CERS6: variants seen among roughly 807,000 people sequenced by gnomAD.
The protein encoded by CERS6 is ceramide synthase 6.
A neutral mutation model predicts 56.8 loss-of-function variants in CERS6; 26 were observed. That is an observed-to-expected ratio of 0.46 (90% confidence interval 0.34 to 0.63). The LOEUF (loss-of-function observed/expected upper bound fraction) is 0.63, where lower values mean the gene tolerates loss of function less well. Ranked by LOEUF, CERS6 falls within the 30% of genes least tolerant of loss-of-function variation. The probability of loss-of-function intolerance (pLI) is 0.01; values close to 1 mark genes in which losing one functional copy is unlikely to be tolerated. For synonymous variants in CERS6, 164 were observed against 173.3 expected, an observed-to-expected ratio of 0.95 and a Z score of 0.42; for missense variants, 415 against 467.5, an observed-to-expected ratio of 0.89 and a Z score of 1.04.
chr2:168,706,971 T>A (rs1427442404), intron 6 of CERS6, among the ~76,000 whole-genome samples: 1 of 152,244 alleles, frequency 6.6e-6, no homozygotes, highest in Non-Finnish European at 1.5e-5. Flanking sequence ...TGGGCGTGGC[T>A]GTATTCCAAT....
At chr2:168,729,344 G>A (rs761954897) in intron 8 of CERS6, among the ~76,000 whole-genome samples, 2 of 152,174 alleles carry the variant, frequency 1.3e-5, no homozygotes, top group African/African-American at 4.8e-5. Context: ...AAGAACCGTC[G>A]TCAACTATGT....
chr2:168,742,563 C>T (rs1282239019), intron 8 of CERS6, among the ~76,000 whole-genome samples: 3 of 152,048 alleles, frequency 2.0e-5, no homozygotes, highest in South Asian at 4.1e-4. Flanking sequence ...CAAATGCATG[C>T]GATCATTGCA....
intron 4 of CERS6, among the ~76,000 whole-genome samples, chr2:168,641,911 C>T (rs900075262): frequency 5.4e-5 from 8 of 148,592 alleles, no homozygotes; most frequent in African/African-American, 1.5e-4. Context: ...AAAAAAGCCA[C>T]TTTGCTATTT....
chr2:168,677,255 T>C (rs1686088840), intron 4 of CERS6, among the ~76,000 whole-genome samples: 1 of 151,834 alleles, frequency 6.6e-6, no homozygotes, highest in African/African-American at 2.4e-5. Flanking sequence ...CACTTATGAG[T>C]GAGAACATGC....
At chr2:168,748,831 TGG>T (rs72341847) in intron 8 of CERS6, among the ~76,000 whole-genome samples, 101 of 89,554 alleles carry the variant, frequency 1.1e-3, no homozygotes, top group African/African-American at 3.0e-3. Flanking sequence ...TGGTTGGGGG[TGG>T]GGGGGGGGCA....
intron 1 of CERS6, among the ~76,000 whole-genome samples, chr2:168,521,781 C>G (rs1694987151): frequency 6.6e-6 from 1 of 152,178 alleles, no homozygotes; most frequent in Admixed American, 6.5e-5. Flanking sequence ...CAAGAGAGAG[C>G]CTTCATTTCT....
chr2:168,653,072 AGTCTTATCAG>A (rs1685384231), intron 4 of CERS6, among the ~76,000 whole-genome samples: 1 of 152,250 alleles, frequency 6.6e-6, no homozygotes, highest in African/African-American at 2.4e-5. Context: ...GCTGGGCAAT[AGTCTTATCAG>A]GTCATTGGAA....
At chr2:168,591,627 C>T (rs1376712504) in intron 3 of CERS6, among the ~76,000 whole-genome samples, 1 of 152,196 alleles carries the variant, frequency 6.6e-6, no homozygotes, top group Non-Finnish European at 1.5e-5. Flanking sequence ...TCCTTTTTCA[C>T]TGACATTTAA....
chr2:168,676,447 T>C (rs10180618), intron 4 of CERS6, among the ~76,000 whole-genome samples: 1 of 152,218 alleles, frequency 6.6e-6, no homozygotes, highest in Admixed American at 6.5e-5. Context: ...ATGTTTTTAT[T>C]GATCCCCTCA....
At chr2:168,642,446 T>A (rs908530488) in intron 4 of CERS6, among the ~76,000 whole-genome samples, 60 of 152,316 alleles carry the variant, frequency 3.9e-4, no homozygotes, top group Non-Finnish European at 8.8e-5. Flanking sequence ...AAGGAGAGTG[T>A]GTGTGTACAT....
At chr2:168,533,010 T>C (rs1316492090) in intron 1 of CERS6, among the ~76,000 whole-genome samples, 1 of 152,218 alleles carries the variant, frequency 6.6e-6, no homozygotes, top group African/African-American at 2.4e-5. Flanking sequence ...AAATTTAAAG[T>C]AGTACAGAAA....
chr2:168,457,548 T>A (rs1339407947), intron 1 of CERS6, among the ~76,000 whole-genome samples: 2 of 152,196 alleles, frequency 1.3e-5, no homozygotes, highest in Non-Finnish European at 1.5e-5. Flanking sequence ...ACACTTTTTT[T>A]TTCGTAACAG....
intron 4 of CERS6, among the ~76,000 whole-genome samples, chr2:168,683,835 A>G (rs1270004104): frequency 2.6e-5 from 4 of 152,124 alleles, no homozygotes; most frequent in African/African-American, 9.7e-5. Flanking sequence ...CCTGAGCTGT[A>G]GTGTGCATAG....
At chr2:168,633,453 A>G (rs1684794989) in intron 4 of CERS6, among the ~76,000 whole-genome samples, 1 of 152,132 alleles carries the variant, frequency 6.6e-6, no homozygotes, top group Non-Finnish European at 1.5e-5. Flanking sequence ...TCAGAAGGTC[A>G]CACAGTTTAT....
chr2:168,538,611 A>G (rs1483193640), intron 1 of CERS6, among the ~76,000 whole-genome samples: 6 of 152,206 alleles, frequency 3.9e-5, no homozygotes, highest in Admixed American at 3.9e-4. Context: ...ACCATCTGGC[A>G]TAGCATACAC....
chr2:168,470,916 T>G (rs1006813229), intron 1 of CERS6, among the ~76,000 whole-genome samples: 2 of 152,026 alleles, frequency 1.3e-5, no homozygotes, highest in African/African-American at 4.8e-5. Context: ...TCTTAGAGTT[T>G]AATGAGAACA....
intron 3 of CERS6, among the ~76,000 whole-genome samples, chr2:168,574,370 TTGTGTGTGTGTGTGTGTGTGTG>T (rs59913751): frequency 3.4e-4 from 50 of 148,484 alleles, no homozygotes; most frequent in South Asian, 8.6e-4. Context: ...TCAATAAGTT[TTGTGTGTGTGTGTGTGTGTGTG>T]TGTGTGTGTG....
intron 8 of CERS6, among the ~76,000 whole-genome samples, chr2:168,755,755 C>G (rs1030194590): frequency 1.3e-5 from 2 of 152,204 alleles, no homozygotes; most frequent in African/African-American, 4.8e-5. Flanking sequence ...TGCCAGGCAG[C>G]TAGCAATTCC....
intron 6 of CERS6, among the ~76,000 whole-genome samples, chr2:168,700,524 G>A (rs1686779988): frequency 6.6e-6 from 1 of 152,066 alleles, no homozygotes; most frequent in Admixed American, 6.6e-5. Context: ...AGGGAGAAAG[G>A]TTACATATTG....
Sources: gnomAD v4.1 joint callset for allele counts (sites outside exome capture counted in the v4.1 genomes callset) on GRCh38, gnomAD v4.1.1 for gene constraint, MANE v1.5 for transcripts, NCBI Gene and HGNC (gene_info 2026-07-23, HGNC 2026-07-21) for gene names.